ARL5A: variants seen among roughly 807,000 people sequenced by gnomAD.
ARL5A encodes ARF like GTPase 5A, also known as ADP-ribosylation factor-like protein 5A.
Under a neutral mutation model 25.9 loss-of-function variants are expected in ARL5A, and 18 were observed. The ratio of observed to expected loss-of-function variants is 0.69; its 90% CI spans 0.48 to 1.03. The LOEUF (loss-of-function observed/expected upper bound fraction) is 1.03, where lower values mean the gene tolerates loss of function less well. ARL5A is among the 50% of genes least tolerant of loss of function. The probability of loss-of-function intolerance (pLI) is 0.00; values close to 1 mark genes in which losing one functional copy is unlikely to be tolerated. For missense variants in ARL5A, 170 were observed against 211.9 expected (o/e 0.80, Z 1.23); for synonymous variants, 61 against 67.5 (o/e 0.90, Z 0.47).
At position 151,801,354 on chromosome 2, in the gene ARL5A, G is replaced by A. The variant is rs1343057933; in HGVS notation, c.*1922C>T. 6.6e-6 allele frequency: 1 copy of A among 152,126 alleles called. No homozygotes were observed. Among genetic ancestry groups the A allele is most frequent in the Non-Finnish European group, 1.5e-5 (1 of 67,972 alleles). The allele number at this position is 152,126 out of a possible 1,614,324, so 9.4% of individuals were successfully genotyped here. A position where few individuals can be genotyped will look rare whatever the true frequency, so the allele number is the denominator to read the frequency against. ...CAGTAATCCAAGGGACTAAGCACAT[G>A]ATTATTCAAATTAAAACATAAAAAG... On this transcript the variant is annotated 3_prime_UTR_variant, in exon 6 of 6. Transcript: ENST00000295087.
intron 1 of ARL5A, 105 bp downstream of exon 1, chr2:151,828,026 C>T (rs2099833320): frequency 7.8e-7 from 1 of 1,281,738 alleles, no homozygotes; most frequent in Non-Finnish European, 1.1e-6. Flanking sequence ...GCTGAGCTGG[C>T]GCCCGACCGA....
intron 4 of ARL5A, among the ~76,000 whole-genome samples, chr2:151,811,649 G>C (rs2099830862): frequency 6.6e-6 from 1 of 152,116 alleles, no homozygotes; most frequent in Non-Finnish European, 1.5e-5. Flanking sequence ...ACAGCTCACT[G>C]TAGCCTTGAC....
At chr2:151,809,902 T>G (rs2099830602) in intron 4 of ARL5A, among the ~76,000 whole-genome samples, 4 of 152,138 alleles carry the variant, frequency 2.6e-5, no homozygotes, top group Admixed American at 2.0e-4. Context: ...GCCAACATGG[T>G]AAAACCCCGT....
At chr2:151,828,065 C>G (rs1433947720) in intron 1 of ARL5A, 66 bp downstream of exon 1, 21 of 1,545,554 alleles carry the variant, frequency 1.4e-5, no homozygotes, top group Non-Finnish European at 1.8e-5. Flanking sequence ...TATTCGGAGA[C>G]CCCCACCTAG....
intron 1 of ARL5A, 41 bp from the exon 2 acceptor site, chr2:151,815,240 G>GA (rs202017084): frequency 0.018 from 25,550 of 1,439,500 alleles, 248 homozygotes; most frequent in African/African-American, 0.03. Context: ...TTCAAAAAAG[G>GA]AAAAAAAAAG....
intron 1 of ARL5A, among the ~76,000 whole-genome samples, chr2:151,826,945 T>TGTGC (rs956542912): frequency 1.3e-5 from 2 of 152,112 alleles, no homozygotes; most frequent in African/African-American, 2.4e-5. Flanking sequence ...TGTGTGTGTG[T>TGTGC]GCGTAAAAGA....
At chr2:151,825,307 G>C (rs1490540302) in intron 1 of ARL5A, among the ~76,000 whole-genome samples, 1 of 152,078 alleles carries the variant, frequency 6.6e-6, no homozygotes, top group Non-Finnish European at 1.5e-5. Context: ...GGAGGAGGGA[G>C]GGAAAAATGA....
chr2:151,819,386 T>C (rs909958522), intron 1 of ARL5A, among the ~76,000 whole-genome samples: 4 of 152,226 alleles, frequency 2.6e-5, no homozygotes, highest in African/African-American at 9.6e-5. Context: ...AAGATGAACT[T>C]GACTTTAAAG....
chr2:151,817,476 T>A lies in ARL5A; in HGVS notation c.47-2277A>T, dbSNP rs374117805. Among the ~76,000 whole-genome samples the A allele has an allele frequency of 1.2e-4, 18 of 152,376 alleles. No homozygotes were observed. The East Asian group carries it at 3.5e-3, about 29-fold the overall frequency. On this transcript the variant is annotated intron_variant, in intron 1 of 5. Transcript: ENST00000295087. Reference sequence around the variant, plus strand: ...CAGAGTAAGATCTTTATAATTCAAATGGTAGATGTTTTCCATATAATTGCC... The same window carrying A: ...CAGAGTAAGATCTTTATAATTCAAAAGGTAGATGTTTTCCATATAATTGCC...
chr2:151,809,901 G>C (rs35162362), intron 4 of ARL5A, among the ~76,000 whole-genome samples: 1 of 152,168 alleles, frequency 6.6e-6, no homozygotes, highest in Non-Finnish European at 1.5e-5. Flanking sequence ...GGCCAACATG[G>C]TAAAACCCCG....
intron 1 of ARL5A, 93 bp from the exon 2 acceptor site, chr2:151,815,292 A>G (rs1311941938): frequency 1.0e-6 from 1 of 1,004,338 alleles, no homozygotes; most frequent in Non-Finnish European, 1.5e-6. Context: ...TCACCCTTCT[A>G]TCTATGGCAT....
intron 5 of ARL5A, among the ~76,000 whole-genome samples, chr2:151,806,207 C>T (rs563915688): frequency 2.0e-5 from 3 of 152,264 alleles, no homozygotes; most frequent in South Asian, 4.1e-4. Flanking sequence ...CTAGACAGGG[C>T]AAACTTCTAC....
intron 1 of ARL5A, among the ~76,000 whole-genome samples, chr2:151,818,910 C>T (rs895817026): frequency 6.6e-6 from 1 of 152,044 alleles, no homozygotes; most frequent in Non-Finnish European, 1.5e-5. Flanking sequence ...TTTTAAGTTA[C>T]GGGAATATAT....
chr2:151,823,172 T>A (rs1022326774), intron 1 of ARL5A, among the ~76,000 whole-genome samples: 10 of 152,242 alleles, frequency 6.6e-5, no homozygotes, highest in Admixed American at 5.2e-4. Flanking sequence ...TCATATTCAC[T>A]ATAGTTCTCT....
At position 151,801,429 on chromosome 2, in the gene ARL5A, G is replaced by A. The variant is rs752673074; in HGVS notation, c.*1847C>T. The A allele has an allele frequency of 1.3e-5, 2 of 152,100 alleles. No individual in the cohort carries two copies. Among genetic ancestry groups the A allele is most frequent in the Admixed American group, 6.5e-5 (1 of 15,274 alleles). 9.4% of individuals were successfully genotyped at this position (152,100 alleles called of 1,614,324 possible). ...CTACATCACATAATATTTGTCTGGCGAAACCATAATACAGATTTGGGTAAA... is the reference window on the plus strand; with the variant it reads ...CTACATCACATAATATTTGTCTGGCAAAACCATAATACAGATTTGGGTAAA... On this transcript the variant is annotated 3_prime_UTR_variant, in exon 6 of 6. Transcript: ENST00000295087.
chr2:151,800,970 T>C lies in ARL5A; in HGVS notation c.*2306A>G, dbSNP rs767011922. The C allele has an allele frequency of 6.6e-6, 1 of 152,604 alleles. No homozygotes were observed. Among genetic ancestry groups the C allele is most frequent in the African/African-American group, 2.4e-5 (1 of 41,448 alleles). The allele number at this position is 152,604 out of a possible 1,614,324, so 9.5% of individuals were successfully genotyped here. A position where few individuals can be genotyped will look rare whatever the true frequency, so the allele number is the denominator to read the frequency against. The stretch of plus-strand genomic sequence containing the variant: ...TAATTCCACTTAAACTACATAAAAA[T>C]TGCCAATATGACTTTTCACCAGCTT... On this transcript the variant is annotated 3_prime_UTR_variant, in exon 6 of 6. Transcript: ENST00000295087.
Position 151,800,940 on chromosome 2 carries a change from C to T in ARL5A, c.*2336G>A, listed in dbSNP as rs2099829338. Reference sequence around the variant, plus strand: ...ATTAAAAACCCAAAAGCATCTCCCTCTGCTTAATTCCACTTAAACTACATA... The same window carrying T: ...ATTAAAAACCCAAAAGCATCTCCCTTTGCTTAATTCCACTTAAACTACATA... On this transcript the variant is annotated 3_prime_UTR_variant, in exon 6 of 6. Transcript: ENST00000295087. The T allele has an allele frequency of 6.6e-6, 1 of 152,622 alleles. No homozygotes were observed. 9.5% of individuals were successfully genotyped at this position (152,622 alleles called of 1,614,324 possible). A position where few individuals can be genotyped will look rare whatever the true frequency, so the allele number is the denominator to read the frequency against.
At position 151,806,960 on chromosome 2, in the gene ARL5A, C is replaced by G; in HGVS notation, c.352G>C (p.Ala118Pro). 1 of 1,611,014 alleles carries G rather than the reference C, an allele frequency of 6.2e-7. No homozygotes were observed. Among genetic ancestry groups the G allele is most frequent in the Non-Finnish European group, 8.5e-7 (1 of 1,178,884 alleles). ...KMLAHEDLRK[A>P]GLLIFANKQD... ...TTATTAGCAAAAATCAGCAATCCAG[C>G]TTTTCTTAGGTCCTATTAAAGCAAA... Residue 118 changes from alanine (A) to proline (P), a missense_variant, in exon 5 of 6, where the codon GCT becomes CCT. By Grantham distance (27) the Ala-to-Pro change is conservative. Coordinates refer to ENST00000295087, the MANE Select transcript of ARL5A (RefSeq NM_012097.4).
At chr2:151,826,992 C>G (rs1401510124) in intron 1 of ARL5A, among the ~76,000 whole-genome samples, 1 of 152,150 alleles carries the variant, frequency 6.6e-6, no homozygotes, top group East Asian at 1.9e-4. Flanking sequence ...CTGCTTGCTT[C>G]CCCTAAGCTT....
Sources: allele counts gnomAD v4.1 joint callset (sites outside exome capture counted in the v4.1 genomes callset), GRCh38; gene constraint gnomAD v4.1.1; transcripts MANE v1.5; gene names NCBI Gene and HGNC (gene_info 2026-07-23, HGNC 2026-07-21).